CCNE1: variants seen among roughly 807,000 people sequenced by gnomAD.
CCNE1 encodes the protein G1/S-specific cyclin-E1.
In CCNE1, 8 loss-of-function variants were observed where a neutral mutation model predicts 54.1. The observed-to-expected ratio is 0.15, with a 90% CI of 0.09 to 0.27. The LOEUF (loss-of-function observed/expected upper bound fraction) is 0.27. Among genes scored for constraint, CCNE1 ranks in the 10% least tolerant of loss-of-function variants. The pLI is 1.00. For missense variants in CCNE1, 430 were observed against 514.9 expected (o/e 0.84, Z 1.60); for synonymous variants, 179 against 185.2 (o/e 0.97, Z 0.27).
chr19:29,822,027 T>C lies in CCNE1; in HGVS notation c.737T>C (p.Ile246Thr). 1 of 1,613,792 alleles carries C rather than the reference T, an allele frequency of 6.2e-7. No homozygotes were observed. The highest frequency in any genetic ancestry group is 1.7e-4 in the Middle Eastern group (1 of 6,060). ...ALKWRLSPLT[I>T]VSWLNVYMQV... is the part of the protein sequence containing the mutation. ...AAGTGGCGTTTAAGTCCCCTGACTA[T>C]TGTGTCCTGGCTGAATGTATACATG... The change falls in exon 9 of 12, where the codon ATT becomes ACT. Residue 246 changes from isoleucine to threonine, a missense_variant. Coordinates refer to ENST00000262643, the MANE Select transcript of CCNE1 (RefSeq NM_001238.4).
In CCNE1 at chr19:29,823,732, G is replaced by T. The variant is rs754411380; in HGVS notation, c.1188G>T (p.Pro396=). 5 of 1,614,024 alleles carry T rather than the reference G, an allele frequency of 3.1e-6. No individual in the cohort carries two copies. The highest frequency in any genetic ancestry group is 3.4e-6 in the Non-Finnish European group (4 of 1,179,956). ...CTCTCCCCAGTGGGCTCCTCACCCC[G>T]CCACAGAGCGGTAAGAAGCAGAGCA... ...ASPLPSGLLT[P]PQSGKKQSSG... Residue 396 remains proline (P), a synonymous_variant, in exon 12 of 12, where the codon CCG becomes CCT. Transcript: ENST00000262643.
chr19:29,812,399 C>T, intron 1 of CCNE1, 133 bp from the exon 2 acceptor site: 2 of 512,756 alleles, frequency 3.9e-6, no homozygotes, highest in East Asian at 4.4e-5. Flanking sequence ...GGCGGGTGCC[C>T]GGGTCGCGGG....
chr19:29,822,643 T>G, intron 11 of CCNE1, 40 bp downstream of exon 11: 1 of 1,578,090 alleles, frequency 6.3e-7, no homozygotes, highest in Non-Finnish European at 8.6e-7. Context: ...TTGGCCAAAT[T>G]CTTAAAACTG....
intron 4 of CCNE1, among the ~76,000 whole-genome samples, chr19:29,816,675 A>G (rs1974023470): frequency 6.6e-6 from 1 of 152,252 alleles, no homozygotes; most frequent in Non-Finnish European, 1.5e-5. Context: ...GGACTTTAAT[A>G]CATATGGCAG....
At chr19:29,813,971 T>C (rs1032966592) in intron 4 of CCNE1, among the ~76,000 whole-genome samples, 1 of 152,186 alleles carries the variant, frequency 6.6e-6, no homozygotes, top group African/African-American at 2.4e-5. Flanking sequence ...CCCCTCACTT[T>C]GCAGAGCAGC....
chr19:29,812,520 G>C lies in CCNE1; in HGVS notation c.-24-12G>C, dbSNP rs2145714416. The C allele has an allele frequency of 7.7e-7, 1 of 1,296,400 alleles. No individual in the cohort carries two copies. The allele number at this position is 1,296,400 out of a possible 1,614,324, so 80.3% of individuals were successfully genotyped here. On this transcript the variant is annotated splice_polypyrimidine_tract_variant and intron_variant, in intron 1 of 11. Coordinates refer to ENST00000262643, the MANE Select transcript of CCNE1 (RefSeq NM_001238.4). ...TGACCCCGCCGCCGCCTCACCCCGCGCCGCCCCGCAGGCCTCAGGCCGGAG... is the reference window on the plus strand; with the variant it reads ...TGACCCCGCCGCCGCCTCACCCCGCCCCGCCCCGCAGGCCTCAGGCCGGAG...
intron 6 of CCNE1, among the ~76,000 whole-genome samples, chr19:29,819,023 A>G (rs1974091704): frequency 6.6e-6 from 1 of 151,736 alleles, no homozygotes; most frequent in African/African-American, 2.4e-5. Context: ...TTGGCCTCCC[A>G]AAGTGCTGGG....
Position 29,817,396 on chromosome 19 carries a change from T to C in CCNE1, c.327-10T>C. 6.2e-7 allele frequency: 1 copy of C among 1,614,158 alleles called. No homozygotes were observed. The highest frequency in any genetic ancestry group is 8.5e-7 in the Non-Finnish European group (1 of 1,180,002). On this transcript the variant is annotated splice_polypyrimidine_tract_variant and intron_variant, in intron 5 of 11. Coordinates refer to ENST00000262643, the MANE Select transcript of CCNE1 (RefSeq NM_001238.4). ...TGTGGGCCTCATTTTTGTTGTGTGT[T>C]TTGTTGTAGCTGGGCAAATAGAGAG...
In CCNE1 at chr19:29,823,884, A is replaced by T. The variant is rs1974215316; in HGVS notation, c.*107A>T. 8.2e-7 allele frequency: 1 copy of T among 1,213,612 alleles called. No homozygotes were observed. The highest frequency in any genetic ancestry group is 2.5e-5 in the Admixed American group (1 of 40,172). The allele number at this position is 1,213,612 out of a possible 1,614,324, so 75.2% of individuals were successfully genotyped here. A position where few individuals can be genotyped will look rare whatever the true frequency, so the allele number is the denominator to read the frequency against. On this transcript the variant is annotated 3_prime_UTR_variant, in exon 12 of 12. Coordinates refer to ENST00000262643, the MANE Select transcript of CCNE1 (RefSeq NM_001238.4). ...GCTTTTACAGATATCTGAATGGAAG[A>T]GTGTTTCTTCCACAACAGAAGTATT...
intron 7 of CCNE1, among the ~76,000 whole-genome samples, 163 bp downstream of exon 7, chr19:29,821,011 A>G (rs1252985035): frequency 6.6e-6 from 1 of 152,172 alleles, no homozygotes; most frequent in Non-Finnish European, 1.5e-5. Context: ...AAAAGGCTGG[A>G]AAGTGACCAG....
Position 29,822,125 on chromosome 19 carries a change from G to A in CCNE1, c.835G>A (p.Ala279Thr). 1 of 1,613,348 alleles carries A rather than the reference G, an allele frequency of 6.2e-7. No individual in the cohort carries two copies. Among genetic ancestry groups the A allele is most frequent in the Non-Finnish European group, 8.5e-7 (1 of 1,179,778 alleles). The change falls in exon 9 of 12, where the codon GCA becomes ACA. Residue 279 changes from alanine (A) to threonine (T), a missense_variant. By Grantham distance (58) the Ala-to-Thr change is moderately conservative. Transcript: ENST00000262643. The part of the protein sequence containing the change: ...QYPQQIFIQI[A>T]ELLDLCVLDV... ...TCCCCAGCAAATCTTTATACAGATTGCAGAGGTAAGTGGCTCCATCACGTC... is the reference window on the plus strand; with the variant it reads ...TCCCCAGCAAATCTTTATACAGATTACAGAGGTAAGTGGCTCCATCACGTC...
Position 29,813,015 on chromosome 19 carries a change from C to G in CCNE1, c.158C>G (p.Ala53Gly), listed in dbSNP as rs1973932451. 4 of 1,614,118 alleles carry G rather than the reference C, an allele frequency of 2.5e-6. No homozygotes were observed. Among genetic ancestry groups the G allele is most frequent in the Non-Finnish European group, 3.4e-6 (4 of 1,180,004 alleles). ...DEEMAKIDRT[A>G]RDQCGSQPWD... is the part of the protein sequence containing the mutation. ...GAAATGGCCAAAATCGACAGGACGG[C>G]GAGGGACCAGTGTGGGAGCCAGGTA... The change falls in exon 4 of 12, where the codon GCG becomes GGG. Residue 53 changes from alanine (A) to glycine (G), a missense_variant. Physicochemically the swap from Ala to Gly is moderately conservative, Grantham distance 60. Around this residue, in one of 2 missense-constraint regions of CCNE1, gnomAD observed 127 missense variants for 113.8 expected, o/e 1.12. Transcript: ENST00000262643.
At chr19:29,818,141 C>G (rs1974070679) in intron 6 of CCNE1, among the ~76,000 whole-genome samples, 1 of 151,986 alleles carries the variant, frequency 6.6e-6, no homozygotes, top group Admixed American at 6.6e-5. Context: ...ATTCTCCTGC[C>G]TCAGCCTCCC....
chr19:29,817,996 G>A (rs1974065811), intron 6 of CCNE1, among the ~76,000 whole-genome samples: 1 of 149,808 alleles, frequency 6.7e-6, no homozygotes, highest in South Asian at 2.1e-4. Flanking sequence ...TGAGTAGCTG[G>A]GATTACAGGC....
At chr19:29,818,118 C>G (rs562078088) in intron 6 of CCNE1, among the ~76,000 whole-genome samples, 1 of 151,868 alleles carries the variant, frequency 6.6e-6, no homozygotes, top group Non-Finnish European at 1.5e-5. Context: ...GCTCCTCCTC[C>G]CGGGTTCATG....
In CCNE1 at chr19:29,820,635, GTT is replaced by G. The variant is rs5827672; in HGVS notation, c.463-56_463-55del. 4,016 of 946,552 alleles carry G rather than the reference GTT, an allele frequency of 4.2e-3. 81 individuals carry two copies. In the African/African-American group the frequency reaches 0.055, roughly 13 times the overall value. 58.6% of individuals were successfully genotyped at this position (946,552 alleles called of 1,614,324 possible). ...TTTTCCTTCACCAAAGTCATTACAA[GTT>G]TTTTTTTTTTCCCCTCCCTCAAGTA... On this transcript the variant is annotated intron_variant, in intron 6 of 11. Transcript: ENST00000262643.
rs1457802599 is a variant in CCNE1, at chr19:29,824,263, G to A, written c.*486G>A. 4.2e-6 allele frequency: 1 copy of A among 236,074 alleles called. No individual in the cohort carries two copies. Among genetic ancestry groups the A allele is most frequent in the Non-Finnish European group, 8.3e-6 (1 of 119,920 alleles). The allele number at this position is 236,074 out of a possible 1,614,324, so 14.6% of individuals were successfully genotyped here. On this transcript the variant is annotated 3_prime_UTR_variant, in exon 12 of 12. Coordinates refer to ENST00000262643, the MANE Select transcript of CCNE1 (RefSeq NM_001238.4). Reference sequence around the variant, plus strand: ...GCCTTTGATGAACTGTTTTGTAAGTGCTGCTATATCTATCCATTTTTTAAT... The same window carrying A: ...GCCTTTGATGAACTGTTTTGTAAGTACTGCTATATCTATCCATTTTTTAAT...
chr19:29,813,806 C>A (rs1973948635), intron 4 of CCNE1, among the ~76,000 whole-genome samples: 2 of 152,160 alleles, frequency 1.3e-5, no homozygotes, highest in African/African-American at 4.8e-5. Flanking sequence ...TCTTTACTTT[C>A]AGAAATGGCT....
At chr19:29,816,308 A>G (rs1040979617) in intron 4 of CCNE1, among the ~76,000 whole-genome samples, 1 of 152,216 alleles carries the variant, frequency 6.6e-6, no homozygotes, top group Non-Finnish European at 1.5e-5. Flanking sequence ...TAAAAATGAA[A>G]ATATTCTAAA....
Sources: allele counts gnomAD v4.1 joint callset (sites outside exome capture counted in the v4.1 genomes callset), GRCh38; gene constraint gnomAD v4.1.1; regional missense constraint gnomAD v4.1.1; transcripts MANE v1.5; gene names NCBI Gene and HGNC (gene_info 2026-07-23, HGNC 2026-07-21).